The following TLL1 variants were observed in gnomAD, a reference collection of about 807,000 sequenced individuals.
TLL1 encodes tolloid like 1, also known as tolloid-like protein 1.
In TLL1, 49 loss-of-function variants were observed where a neutral mutation model predicts 128.2. That is an observed-to-expected ratio of 0.38 (90% CI 0.30 to 0.48). The LOEUF is 0.48. Ranked by LOEUF, TLL1 falls within the 20% of genes least tolerant of loss-of-function variation. TLL1 has a pLI of 0.96. For synonymous variants in TLL1, 454 were observed against 418.8 expected, an observed-to-expected ratio of 1.08 and a Z score of -1.03; for missense variants, 1,123 against 1,242.0, an observed-to-expected ratio of 0.90 and a Z score of 1.44.
chr4:166,043,183 G>A, intron 11 of TLL1, 91 bp from the exon 12 acceptor site: 1 of 1,555,608 alleles, frequency 6.4e-7, no homozygotes, highest in Non-Finnish European at 8.8e-7. Flanking sequence ...CTGAGCTACA[G>A]GAGCTGAACT....
chr4:165,891,666 T>C (rs1162788960), intron 1 of TLL1, among the ~76,000 whole-genome samples: 1 of 152,200 alleles, frequency 6.6e-6, no homozygotes, highest in Non-Finnish European at 1.5e-5. Flanking sequence ...CAACTCAGCC[T>C]GGACTTCATT....
intron 1 of TLL1, among the ~76,000 whole-genome samples, chr4:165,964,158 G>A (rs1735256567): frequency 6.6e-6 from 1 of 152,118 alleles, no homozygotes; most frequent in Non-Finnish European, 1.5e-5. Flanking sequence ...AAATACTTGG[G>A]CTCTGGAATC....
chr4:166,073,426 C>A (rs944418900), intron 16 of TLL1, among the ~76,000 whole-genome samples: 2 of 152,174 alleles, frequency 1.3e-5, no homozygotes, highest in South Asian at 2.1e-4. Context: ...TCTATTAACT[C>A]CTGATTTTTT....
intron 5 of TLL1, among the ~76,000 whole-genome samples, chr4:165,998,674 G>C (rs1366638992): frequency 6.6e-6 from 1 of 151,770 alleles, no homozygotes; most frequent in African/African-American, 2.4e-5. Flanking sequence ...GCGGGTGCTT[G>C]TAGTCCCAGC....
intron 9 of TLL1, among the ~76,000 whole-genome samples, chr4:166,030,226 AT>A (rs1229633002): frequency 6.6e-6 from 1 of 151,848 alleles, no homozygotes. Flanking sequence ...TTTGATTTGA[AT>A]TTTTCTGATG....
intron 1 of TLL1, among the ~76,000 whole-genome samples, chr4:165,987,915 C>T (rs1736461091): frequency 6.6e-6 from 1 of 152,100 alleles, no homozygotes. Flanking sequence ...GATTTTGTCA[C>T]TTTCTACGAT....
At chr4:166,079,001 A>T (rs1342805564) in intron 18 of TLL1, among the ~76,000 whole-genome samples, 1 of 152,218 alleles carries the variant, frequency 6.6e-6, no homozygotes, top group East Asian at 1.9e-4. Context: ...GACAGTCACC[A>T]AGAAATTCAT....
intron 9 of TLL1, 138 bp downstream of exon 9, chr4:166,025,569 G>A (rs1738458381): frequency 1.4e-6 from 1 of 721,130 alleles, no homozygotes; most frequent in South Asian, 1.8e-5. Context: ...AATTCATAAT[G>A]GGAATTGCTT....
chr4:166,004,533 A>G (rs553721227), intron 6 of TLL1, among the ~76,000 whole-genome samples: 33 of 152,228 alleles, frequency 2.2e-4, no homozygotes, highest in African/African-American at 7.9e-4. Flanking sequence ...AATTAGTAAT[A>G]TATGTTGAAA....
intron 1 of TLL1, among the ~76,000 whole-genome samples, chr4:165,974,341 C>A: frequency 7.6e-6 from 1 of 130,914 alleles, no homozygotes; most frequent in African/African-American, 4.4e-5. Context: ...GGGGTTTCAC[C>A]GTTTTAGCCG....
intron 1 of TLL1, among the ~76,000 whole-genome samples, chr4:165,966,615 A>C (rs777762343): frequency 3.3e-5 from 5 of 150,898 alleles, no homozygotes; most frequent in Non-Finnish European, 7.4e-5. Flanking sequence ...CAAAAGAGAG[A>C]AATTTTAAAG....
chr4:166,018,386 T>C (rs528603159), intron 8 of TLL1, among the ~76,000 whole-genome samples: 2 of 152,244 alleles, frequency 1.3e-5, no homozygotes, highest in East Asian at 1.9e-4. Flanking sequence ...ATTCTGGACA[T>C]TGGCCTTGGG....
intron 9 of TLL1, among the ~76,000 whole-genome samples, chr4:166,037,906 T>C (rs1192211217): frequency 6.6e-6 from 1 of 152,186 alleles, no homozygotes; most frequent in Non-Finnish European, 1.5e-5. Context: ...TCTTTCTTTG[T>C]TACTAGGAAA....
intron 5 of TLL1, among the ~76,000 whole-genome samples, chr4:165,997,309 T>C (rs1312181501): frequency 6.6e-6 from 1 of 152,128 alleles, no homozygotes; most frequent in East Asian, 1.9e-4. Context: ...GCTTCAATAT[T>C]GGGTCTTTCA....
At chr4:165,899,114 T>C (rs1055359963) in intron 1 of TLL1, among the ~76,000 whole-genome samples, 5 of 149,350 alleles carry the variant, frequency 3.3e-5, no homozygotes, top group East Asian at 2.1e-4. Context: ...ATTTGATTCT[T>C]CTGTCTTTTG....
chr4:166,060,268 A>AT, intron 15 of TLL1, 80 bp downstream of exon 15: 1 of 1,405,016 alleles, frequency 7.1e-7, no homozygotes, highest in South Asian at 1.2e-5. Context: ...AAAAAAAAAA[A>AT]GATGTAGTAA....
At chr4:166,077,343 T>C (rs1044487583) in intron 17 of TLL1, among the ~76,000 whole-genome samples, 5 of 152,154 alleles carry the variant, frequency 3.3e-5, no homozygotes, top group African/African-American at 7.2e-5. Flanking sequence ...CCCTTAGTGC[T>C]TCCATTTGCT....
intron 1 of TLL1, among the ~76,000 whole-genome samples, chr4:165,945,795 C>G (rs1337726121): frequency 6.6e-6 from 1 of 152,056 alleles, no homozygotes; most frequent in African/African-American, 2.4e-5. Flanking sequence ...CCACCTCCAC[C>G]CCAAGATACC....
At chr4:166,022,322 C>T (rs567272384) in intron 8 of TLL1, among the ~76,000 whole-genome samples, 73 of 152,224 alleles carry the variant, frequency 4.8e-4, no homozygotes, top group African/African-American at 1.6e-3. Context: ...GCCGCCACCA[C>T]ATCTGGCTAG....
Sources: allele counts gnomAD v4.1 joint callset (sites outside exome capture counted in the v4.1 genomes callset), GRCh38; gene constraint gnomAD v4.1.1; transcripts MANE v1.5; gene names NCBI Gene and HGNC (gene_info 2026-07-23, HGNC 2026-07-21).